Variants in GPC5 observed in about 807,000 individuals in gnomAD.
GPC5 encodes the protein glypican 5.
Under a neutral mutation model 53.9 loss-of-function variants are expected in GPC5, and 47 were observed. The ratio of observed to expected loss-of-function variants is 0.87; its 90% CI spans 0.69 to 1.11. The LOEUF (loss-of-function observed/expected upper bound fraction) is 1.11. GPC5 is among the 50% of genes most tolerant of loss of function. The probability of loss-of-function intolerance (pLI) is 0.00; values close to 1 mark genes in which losing one functional copy is unlikely to be tolerated. For synonymous variants in GPC5, 286 were observed against 263.3 expected (o/e 1.09, Z -0.84); for missense variants, 748 against 713.1 (o/e 1.05, Z -0.56).
intron 3 of GPC5, among the ~76,000 whole-genome samples, chr13:91,717,953 C>T (rs1185078925): frequency 6.6e-6 from 1 of 152,176 alleles, no homozygotes; most frequent in Non-Finnish European, 1.5e-5. Flanking sequence ...ATATCGATTT[C>T]TTCTCCATTT....
At chr13:91,830,744 A>G (rs937441489) in intron 5 of GPC5, among the ~76,000 whole-genome samples, 9 of 144,114 alleles carry the variant, frequency 6.2e-5, no homozygotes, top group African/African-American at 2.3e-4. Flanking sequence ...ATATGTATAT[A>G]AATATACACA....
At chr13:92,616,245 C>T (rs557028953) in intron 7 of GPC5, among the ~76,000 whole-genome samples, 2 of 152,106 alleles carry the variant, frequency 1.3e-5, no homozygotes, top group Non-Finnish European at 2.9e-5. Context: ...GTTGATACCA[C>T]CAGGGCATTT....
intron 6 of GPC5, among the ~76,000 whole-genome samples, chr13:92,120,719 T>G (rs530361933): frequency 2.0e-5 from 3 of 152,238 alleles, no homozygotes; most frequent in Non-Finnish European, 4.4e-5. Context: ...AAAATTGTGT[T>G]TAAGTGATGT....
rs572504053 is a variant in GPC5 at position 92,666,435 on chromosome 13, C to T, written c.1562-199847C>T. Among the ~76,000 whole-genome samples, 3 of 152,234 alleles carry T rather than the reference C, an allele frequency of 2.0e-5. No individual in the cohort carries two copies. In the South Asian group the frequency reaches 6.2e-4, roughly 32 times the overall value. The stretch of plus-strand genomic sequence containing the variant: ...ATAATCTGGCAATTGCATGTTTCTG[C>T]TGGCTTTTCATAATATAACAAACCA... On this transcript the variant is annotated intron_variant, in intron 7 of 7. Coordinates refer to ENST00000377067, the MANE Select transcript of GPC5 (RefSeq NM_004466.6).
At chr13:91,470,667 T>C (rs1052805374) in intron 2 of GPC5, among the ~76,000 whole-genome samples, 9 of 152,162 alleles carry the variant, frequency 5.9e-5, no homozygotes, top group Non-Finnish European at 1.3e-4. Context: ...TCAGGCACCA[T>C]AACCTTGATA....
chr13:92,375,152 A>C (rs1453432033), intron 7 of GPC5, among the ~76,000 whole-genome samples: 1 of 152,252 alleles, frequency 6.6e-6, no homozygotes, highest in East Asian at 1.9e-4. Flanking sequence ...TGGATTATAT[A>C]GTCCTAAAGA....
intron 6 of GPC5, among the ~76,000 whole-genome samples, chr13:92,101,497 T>G (rs567138092): frequency 6.6e-6 from 1 of 152,320 alleles, no homozygotes; most frequent in South Asian, 2.1e-4. Flanking sequence ...ATGAATATAT[T>G]CACTATTTCC....
intron 7 of GPC5, among the ~76,000 whole-genome samples, chr13:92,220,998 G>A (rs2042444546): frequency 6.6e-6 from 1 of 152,048 alleles, no homozygotes; most frequent in Admixed American, 6.6e-5. Flanking sequence ...TCCTCTGTTT[G>A]GGGAGGGATG....
chr13:91,697,443 C>A (rs1353974070), intron 3 of GPC5, among the ~76,000 whole-genome samples: 1 of 152,032 alleles, frequency 6.6e-6, no homozygotes, highest in Non-Finnish European at 1.5e-5. Flanking sequence ...GCCTGGCCTT[C>A]TCTGATGTTT....
chr13:91,961,167 C>T (rs2040122152), intron 6 of GPC5, among the ~76,000 whole-genome samples: 1 of 151,778 alleles, frequency 6.6e-6, no homozygotes, highest in African/African-American at 2.4e-5. Context: ...GGCTAATGTC[C>T]AGAATATAAA....
intron 2 of GPC5, among the ~76,000 whole-genome samples, chr13:91,511,420 T>C (rs1594189050): frequency 6.6e-6 from 1 of 152,310 alleles, no homozygotes; most frequent in Non-Finnish European, 1.5e-5. Context: ...TTTCTTTTGG[T>C]TTGGAAAATT....
At chr13:91,759,793 A>G (rs1296451120) in intron 5 of GPC5, among the ~76,000 whole-genome samples, 1 of 152,118 alleles carries the variant, frequency 6.6e-6, no homozygotes, top group African/African-American at 2.4e-5. Flanking sequence ...GAAATGTTAC[A>G]TAGCAGTCAA....
chr13:92,008,219 C>G (rs1009689460), intron 6 of GPC5, among the ~76,000 whole-genome samples: 12 of 152,016 alleles, frequency 7.9e-5, no homozygotes, highest in Middle Eastern at 6.8e-3. Flanking sequence ...CCCGCTACCA[C>G]GCCCGGCTAA....
At chr13:91,617,669 T>C (rs886782582) in intron 2 of GPC5, among the ~76,000 whole-genome samples, 1 of 152,020 alleles carries the variant, frequency 6.6e-6, no homozygotes, top group Non-Finnish European at 1.5e-5. Flanking sequence ...CCTCCTTCCT[T>C]CCATTCCTCA....
chr13:91,601,707 A>G (rs2033187604), intron 2 of GPC5, among the ~76,000 whole-genome samples: 1 of 152,126 alleles, frequency 6.6e-6, no homozygotes. Flanking sequence ...ACTGTCTCCC[A>G]TCACCCCCAG....
intron 7 of GPC5, among the ~76,000 whole-genome samples, chr13:92,306,958 C>T (rs969460777): frequency 6.6e-6 from 1 of 152,112 alleles, no homozygotes; most frequent in African/African-American, 2.4e-5. Context: ...ATTTCATTAG[C>T]GTCTTTAATT....
chr13:92,828,460 C>G (rs562248858), intron 7 of GPC5, among the ~76,000 whole-genome samples: 1 of 152,106 alleles, frequency 6.6e-6, no homozygotes, highest in South Asian at 2.1e-4. Flanking sequence ...TATGTTGACA[C>G]GTTTACCCAA....
chr13:91,799,612 T>C (rs1487881100), intron 5 of GPC5, among the ~76,000 whole-genome samples: 7 of 152,186 alleles, frequency 4.6e-5, no homozygotes, highest in African/African-American at 1.7e-4. Context: ...CTATAATAAT[T>C]AAGGCCTGGG....
At chr13:92,086,359 C>G (rs1333906184) in intron 6 of GPC5, among the ~76,000 whole-genome samples, 3 of 152,190 alleles carry the variant, frequency 2.0e-5, no homozygotes, top group Non-Finnish European at 2.9e-5. Context: ...CGCATTTATG[C>G]AAAATACATT....
Sources: allele counts gnomAD v4.1 joint callset (sites outside exome capture counted in the v4.1 genomes callset), GRCh38; gene constraint gnomAD v4.1.1; transcripts MANE v1.5; gene names NCBI Gene and HGNC (gene_info 2026-07-23, HGNC 2026-07-21).